Variants in RB1CC1 observed in about 807,000 individuals in gnomAD.
RB1CC1 encodes RB1-inducible coiled-coil protein 1.
Under a neutral mutation model 177.5 loss-of-function variants are expected in RB1CC1, and 46 were observed. The observed-to-expected ratio is 0.26, with a 90% CI of 0.20 to 0.33. The LOEUF (loss-of-function observed/expected upper bound fraction) is 0.33. Among genes scored for constraint, RB1CC1 ranks in the 10% least tolerant of loss-of-function variants. The probability of loss-of-function intolerance (pLI) is 1.00; values close to 1 mark genes in which losing one functional copy is unlikely to be tolerated. For synonymous variants in RB1CC1, 666 were observed against 613.6 expected (o/e 1.09, Z -1.26); for missense variants, 1,703 against 1,816.3 (o/e 0.94, Z 1.13).
At chr8:52,706,356 G>A (rs1856545644) in intron 1 of RB1CC1, among the ~76,000 whole-genome samples, 1 of 118,186 alleles carries the variant, frequency 8.5e-6, no homozygotes, top group South Asian at 2.8e-4. Context: ...TCTTCCAACT[G>A]TTATCTTTTT....
intron 21 of RB1CC1, among the ~76,000 whole-genome samples, chr8:52,628,763 C>T (rs912351006): frequency 2.1e-5 from 3 of 144,720 alleles, no homozygotes; most frequent in African/African-American, 7.3e-5. Context: ...CTCTTTACAG[C>T]CTTTTTCAGA....
At chr8:52,637,382 T>C (rs1372668930) in intron 18 of RB1CC1, among the ~76,000 whole-genome samples, 1 of 152,160 alleles carries the variant, frequency 6.6e-6, no homozygotes, top group Non-Finnish European at 1.5e-5. Flanking sequence ...AGAATGACAA[T>C]TTTTTAAGAG....
intron 16 of RB1CC1, among the ~76,000 whole-genome samples, chr8:52,644,123 A>G (rs1849803848): frequency 6.6e-6 from 1 of 152,174 alleles, no homozygotes; most frequent in African/African-American, 2.4e-5. Context: ...GTAATTTGAA[A>G]TGAATTTTTA....
Position 52,656,931 on chromosome 8 carries a change from A to G in RB1CC1, c.2898T>C (p.His966=). The G allele has an allele frequency of 6.2e-7, 1 of 1,613,328 alleles. No homozygotes were observed. Among genetic ancestry groups the G allele is most frequent in the South Asian group, 1.1e-5 (1 of 91,038 alleles). ...ACTGTAACTTCTCATCATTTTCAAC[A>G]TGGAGCTTTTTTAAGTCTTCTAACA... ...EIVLEDLKKL[H]VENDEKLQLL... The change falls in exon 15 of 24, where the codon CAT becomes CAC. Residue 966 remains histidine (H), a synonymous_variant. Coordinates refer to ENST00000025008, the MANE Select transcript of RB1CC1 (RefSeq NM_014781.5).
Position 52,623,952 on chromosome 8 carries a change from A to T in RB1CC1, c.4708-93T>A. 3.6e-6 allele frequency: 3 copies of T among 830,306 alleles called. No homozygotes were observed. In the South Asian group the frequency reaches 4.5e-5, roughly 12 times the overall value. 51.4% of individuals were successfully genotyped at this position (830,306 alleles called of 1,614,324 possible). The stretch of plus-strand genomic sequence containing the variant: ...CACACACACCCAAAAAACAAAAAGA[A>T]ACAAAAAAATAAATAAACCACATCA... On this transcript the variant is annotated intron_variant, in intron 23 of 23. Transcript: ENST00000025008.
intron 5 of RB1CC1, among the ~76,000 whole-genome samples, chr8:52,681,741 G>A (rs1041078106): frequency 2.0e-5 from 3 of 152,140 alleles, no homozygotes; most frequent in African/African-American, 4.8e-5. Flanking sequence ...GACCAACCTC[G>A]GCAACGCAGT....
At chr8:52,655,042 C>G (rs1346308428) in intron 15 of RB1CC1, among the ~76,000 whole-genome samples, 1 of 152,118 alleles carries the variant, frequency 6.6e-6, no homozygotes, top group African/African-American at 2.4e-5. Context: ...TTCTCTTTGA[C>G]AAGCTCTCCT....
At position 52,683,692 on chromosome 8, in the gene RB1CC1, T is replaced by C. The variant is rs1853984845; in HGVS notation, c.226A>G (p.Lys76Glu). ...TDTNPIFLFN[K>E]EMILCDRPPA... ...GGACGATCACATAAGATCATTTCTT[T>C]GTTAAAAAGAAAAATTGGATTTGTA... Residue 76 changes from lysine to glutamate, a missense_variant, in exon 5 of 24, where the codon AAA (lysine) becomes GAA (glutamate). Coordinates refer to ENST00000025008, the MANE Select transcript of RB1CC1 (RefSeq NM_014781.5). 1 of 1,588,540 alleles carries C rather than the reference T, an allele frequency of 6.3e-7. No homozygotes were observed. The highest frequency in any genetic ancestry group is 8.5e-7 in the Non-Finnish European group (1 of 1,170,378).
intron 15 of RB1CC1, among the ~76,000 whole-genome samples, chr8:52,651,204 T>G (rs1203721431): frequency 1.4e-4 from 21 of 152,192 alleles, no homozygotes; most frequent in Admixed American, 1.3e-3. Flanking sequence ...GACTCAATAT[T>G]GGCTATTAAC....
Position 52,657,142 on chromosome 8 carries a change from T to C in RB1CC1, c.2687A>G (p.Lys896Arg). The change falls in exon 15 of 24, where the codon AAG (lysine) becomes AGG (arginine). Residue 896 changes from lysine (K) to arginine (R), a missense_variant. Coordinates refer to ENST00000025008, the MANE Select transcript of RB1CC1 (RefSeq NM_014781.5). ...EENENKIKKL[K>R]GELVCLEEVL... ...CTCCTCAAGGCATACTAACTCTCCC[T>C]TCAATTTTTTAATTTTGTTTTCATT... The C allele has an allele frequency of 6.2e-7, 1 of 1,610,550 alleles. No homozygotes were observed. Among genetic ancestry groups the C allele is most frequent in the South Asian group, 1.1e-5 (1 of 90,796 alleles).
intron 1 of RB1CC1, among the ~76,000 whole-genome samples, chr8:52,695,858 CTGT>C (rs1323200553): frequency 6.6e-6 from 1 of 152,160 alleles, no homozygotes; most frequent in Non-Finnish European, 1.5e-5. Flanking sequence ...GTTCCCTGAC[CTGT>C]TCCAGTGAAT....
intron 18 of RB1CC1, among the ~76,000 whole-genome samples, chr8:52,641,677 C>G (rs145374943): frequency 1.3e-5 from 2 of 152,030 alleles, no homozygotes; most frequent in Non-Finnish European, 1.5e-5. Context: ...GGGCATAATT[C>G]TTTGTGTGGC....
At chr8:52,678,705 T>C (rs1853391665) in intron 5 of RB1CC1, among the ~76,000 whole-genome samples, 1 of 152,014 alleles carries the variant, frequency 6.6e-6, no homozygotes, top group Non-Finnish European at 1.5e-5. Context: ...ATATTGTTAA[T>C]GAACAAATTT....
Position 52,656,404 on chromosome 8 carries a change from C to T in RB1CC1, c.3425G>A (p.Ser1142Asn), listed in dbSNP as rs1342701731. The change falls in exon 15 of 24, where the codon AGT becomes AAT. Residue 1142 changes from serine (S) to asparagine (N), a missense_variant. By Grantham distance (46) the Ser-to-Asn change is conservative. This residue lies in a region of RB1CC1 where 1,169 missense variants were observed against 1,184.7 expected (regional missense o/e 0.99). Transcript: ENST00000025008. Reference sequence around the variant, plus strand: ...TATATTAGATTCTTCTTCATGTCTACTAATTAACTCGGAAATACACTGATC... The same window carrying T: ...TATATTAGATTCTTCTTCATGTCTATTAATTAACTCGGAAATACACTGATC... ...EKDQCISELI[S>N]RHEEESNILK... 7 of 1,611,024 alleles carry T rather than the reference C, an allele frequency of 4.3e-6. No individual in the cohort carries two copies. In the Admixed American group the frequency reaches 1.2e-4, roughly 27 times the overall value.
intron 21 of RB1CC1, among the ~76,000 whole-genome samples, chr8:52,629,476 T>C (rs1030652248): frequency 6.6e-6 from 1 of 152,114 alleles, no homozygotes; most frequent in African/African-American, 2.4e-5. Context: ...CAACCAACCA[T>C]CTGAATGAAC....
rs777038551 is a variant in RB1CC1 at position 52,657,928 on chromosome 8, G to T, written c.1921-20C>A. ...AGATGCCTGGAAAACAGAAAGAAAG[G>T]CTTAAAGAGCTGCAGGAACACAAAC... On this transcript the variant is annotated intron_variant, in intron 14 of 23. Transcript: ENST00000025008. The T allele has an allele frequency of 1.9e-6, 3 of 1,612,634 alleles. No homozygotes were observed. The highest frequency in any genetic ancestry group is 4.5e-5 in the East Asian group (2 of 44,840).
intron 12 of RB1CC1, 148 bp from the exon 13 acceptor site, chr8:52,659,124 A>G (rs535516675): frequency 7.0e-5 from 33 of 473,258 alleles, no homozygotes; most frequent in Admixed American, 2.1e-4. Context: ...AGACCATTCA[A>G]TAAAGATATG....
Position 52,642,480 on chromosome 8 carries a change from A to G in RB1CC1, c.4208T>C (p.Val1403Ala). The G allele has an allele frequency of 6.2e-7, 1 of 1,614,086 alleles. No individual in the cohort carries two copies. Among genetic ancestry groups the G allele is most frequent in the Non-Finnish European group, 8.5e-7 (1 of 1,179,984 alleles). ...RSSSFVPSPY[V>A]ATAPELYGAC... ...TCCATAAAGTTCTGGGGCTGTAGCTACATATGGTGAAGGAACAAAACTGCT... is the reference window on the plus strand; with the variant it reads ...TCCATAAAGTTCTGGGGCTGTAGCTGCATATGGTGAAGGAACAAAACTGCT... The change falls in exon 18 of 24, where the codon GTA becomes GCA. Residue 1403 changes from valine (V) to alanine (A), a missense_variant. Physicochemically the swap from Val to Ala is moderately conservative, Grantham distance 64. This residue lies in a region of RB1CC1 where 1,169 missense variants were observed against 1,184.7 expected (regional missense o/e 0.99). Coordinates refer to ENST00000025008, the MANE Select transcript of RB1CC1 (RefSeq NM_014781.5).
chr8:52,625,745 T>C (rs1217735791), intron 22 of RB1CC1, among the ~76,000 whole-genome samples: 1 of 152,124 alleles, frequency 6.6e-6, no homozygotes, highest in African/African-American at 2.4e-5. Flanking sequence ...ATACTAAAAG[T>C]GAAAAACAGA....
Sources: allele counts gnomAD v4.1 joint callset (sites outside exome capture counted in the v4.1 genomes callset), GRCh38; gene constraint gnomAD v4.1.1; regional missense constraint gnomAD v4.1.1; transcripts MANE v1.5; gene names NCBI Gene and HGNC (gene_info 2026-07-23, HGNC 2026-07-21).